Variants in DHX9 observed in about 807,000 individuals in gnomAD.
DHX9 encodes the protein DExH-box helicase 9.
In DHX9, 27 loss-of-function variants were observed where a neutral mutation model predicts 148.7. The ratio of observed to expected loss-of-function variants is 0.18; its 90% confidence interval spans 0.13 to 0.25. DHX9 has a LOEUF of 0.25. Ranked by LOEUF, DHX9 falls within the 10% of genes least tolerant of loss-of-function variation. DHX9 has a pLI of 1.00. For synonymous variants in DHX9, 529 were observed against 516.6 expected (o/e 1.02, Z -0.33); for missense variants, 796 against 1,559.6 (o/e 0.51, Z 8.25).
chr1:182,859,469 CAA>C (rs1247053354), intron 11 of DHX9, among the ~76,000 whole-genome samples: 1 of 151,990 alleles, frequency 6.6e-6, no homozygotes, highest in Non-Finnish European at 1.5e-5. Context: ...TGGACAACAT[CAA>C]AAGATACATT....
intron 12 of DHX9, among the ~76,000 whole-genome samples, chr1:182,862,704 T>C (rs1374970140): frequency 6.6e-6 from 1 of 152,202 alleles, no homozygotes; most frequent in East Asian, 1.9e-4. Flanking sequence ...AAAGCAAAGT[T>C]GGGACCTTTT....
At chr1:182,882,874 A>C (rs1292231994) in intron 24 of DHX9, among the ~76,000 whole-genome samples, 1 of 152,060 alleles carries the variant, frequency 6.6e-6, no homozygotes, top group Non-Finnish European at 1.5e-5. Flanking sequence ...AAAAAAAAAA[A>C]AAAAAAGTAA....
intron 15 of DHX9, 129 bp from the exon 16 acceptor site, chr1:182,874,725 T>C (rs1359862635): frequency 4.2e-6 from 3 of 707,248 alleles, no homozygotes; most frequent in African/African-American, 3.6e-5. Context: ...CTGGAACTTT[T>C]TGGCATTTGT....
At chr1:182,883,016 C>A in intron 24 of DHX9, 123 bp from the exon 25 acceptor site, 95 of 561,194 alleles carry the variant, frequency 1.7e-4, no homozygotes, top group Middle Eastern at 3.9e-4. Flanking sequence ...GAAAGTTTTA[C>A]AGACAGGTTA....
chr1:182,883,455 G>A (rs1649177191), intron 25 of DHX9, 65 bp from the exon 26 acceptor site: 3 of 1,569,138 alleles, frequency 1.9e-6, no homozygotes, highest in South Asian at 1.1e-5. Context: ...TCAAAGCACA[G>A]TATATAGCGG....
In DHX9 at chr1:182,881,662, A is replaced by T; in HGVS notation, c.2914+15A>T. On this transcript the variant is annotated intron_variant, in intron 24 of 27. Transcript: ENST00000367549. ...GTTTCCAGAAGGTAAGACTTCTTCCATTCTTAAGATATCTTTAAAGTGACA... is the reference window on the plus strand; with the variant it reads ...GTTTCCAGAAGGTAAGACTTCTTCCTTTCTTAAGATATCTTTAAAGTGACA... The T allele has an allele frequency of 3.8e-6, 6 of 1,577,760 alleles. No individual in the cohort carries two copies. Among genetic ancestry groups the T allele is most frequent in the Non-Finnish European group, 4.3e-6 (5 of 1,168,400 alleles).
Position 182,887,300 on chromosome 1 carries a change from A to G in DHX9, c.3679A>G (p.Arg1227Gly). ...TAGAGGAGTTTCCCGAGGTGGCTTT[A>G]GAGGCAACTCTGGAGGAGACTACAG... ...GYRGVSRGGF[R>G]GNSGGDYRGP... is the part of the protein sequence containing the mutation. The change falls in exon 28 of 28, where the codon AGA becomes GGA. Residue 1227 changes from arginine to glycine, a missense_variant. Arg to Gly is a moderately radical substitution (Grantham distance 125). Transcript: ENST00000367549. 1 of 1,614,140 alleles carries G rather than the reference A, an allele frequency of 6.2e-7. No individual in the cohort carries two copies. The highest frequency in any genetic ancestry group is 8.5e-7 in the Non-Finnish European group (1 of 1,180,028).
chr1:182,859,963 T>A (rs1420393252), intron 11 of DHX9, 30 bp from the exon 12 acceptor site: 1 of 1,587,316 alleles, frequency 6.3e-7, no homozygotes, highest in East Asian at 2.2e-5. Context: ...TTGGTAGACA[T>A]TTGACTGAAG....
At chr1:182,850,015 G>C (rs552661367) in intron 3 of DHX9, among the ~76,000 whole-genome samples, 3 of 132,118 alleles carry the variant, frequency 2.3e-5, no homozygotes, top group Non-Finnish European at 4.6e-5. Context: ...TTTCATCAGC[G>C]TTCAGCTTTA....
Position 182,842,455 on chromosome 1 carries a change from G to C in DHX9, c.-22-90G>C, listed in dbSNP as rs1434482219. The C allele has an allele frequency of 7.3e-6, 5 of 683,544 alleles. No homozygotes were observed. The African/African-American group carries it at 9.1e-5, about 12-fold the overall frequency. The allele number at this position is 683,544 out of a possible 1,614,324, so 42.3% of individuals were successfully genotyped here. A position where few individuals can be genotyped will look rare whatever the true frequency, so the allele number is the denominator to read the frequency against. ...ATAGCAACATGATAGAATATCCTAT[G>C]TTTAACCCAGATTCAGTAATCTAGA... On this transcript the variant is annotated intron_variant, in intron 1 of 27. Transcript: ENST00000367549.
intron 27 of DHX9, among the ~76,000 whole-genome samples, chr1:182,886,764 C>T (rs1424115085): frequency 6.6e-6 from 1 of 152,196 alleles, no homozygotes; most frequent in Admixed American, 6.5e-5. Flanking sequence ...TTATTGGCAG[C>T]TCCAGGAACC....
At chr1:182,879,193 T>G in intron 20 of DHX9, 57 bp from the exon 21 acceptor site, 1 of 1,348,190 alleles carries the variant, frequency 7.4e-7, no homozygotes. Context: ...GCAAAAAGTT[T>G]ATTAACATCT....
intron 5 of DHX9, 56 bp from the exon 6 acceptor site, chr1:182,853,974 C>T: frequency 3.2e-6 from 5 of 1,541,872 alleles, no homozygotes; most frequent in Non-Finnish European, 4.4e-6. Flanking sequence ...ATTTCTGTGC[C>T]TTGTTTGTAT....
intron 5 of DHX9, among the ~76,000 whole-genome samples, 156 bp from the exon 6 acceptor site, chr1:182,853,874 A>C (rs1334855387): frequency 2.0e-5 from 3 of 152,222 alleles, no homozygotes. Flanking sequence ...ATGCAATAAA[A>C]AGTAATTCTG....
At chr1:182,872,650 G>C (rs1323004642) in intron 15 of DHX9, among the ~76,000 whole-genome samples, 157 bp downstream of exon 15, 4 of 152,164 alleles carry the variant, frequency 2.6e-5, no homozygotes, top group Admixed American at 1.3e-4. Flanking sequence ...TTTCTCTTCT[G>C]TTATTTTATA....
intron 17 of DHX9, 65 bp from the exon 18 acceptor site, chr1:182,876,382 T>G: frequency 6.4e-7 from 1 of 1,565,612 alleles, no homozygotes. Flanking sequence ...AAAATATGTA[T>G]AATGGAGAGC....
At chr1:182,870,726 A>G (rs1199718661) in intron 14 of DHX9, among the ~76,000 whole-genome samples, 2 of 152,248 alleles carry the variant, frequency 1.3e-5, no homozygotes, top group Non-Finnish European at 2.9e-5. Context: ...AAAAATATAA[A>G]TAAGCATCGT....
chr1:182,842,932 G>A (rs1667957987), intron 2 of DHX9, among the ~76,000 whole-genome samples: 1 of 152,114 alleles, frequency 6.6e-6, no homozygotes, highest in Non-Finnish European at 1.5e-5. Context: ...GGGAAAAGTT[G>A]GATCAACTGT....
intron 14 of DHX9, among the ~76,000 whole-genome samples, chr1:182,870,080 AAAAC>A (rs1460680191): frequency 2.0e-5 from 3 of 152,254 alleles, no homozygotes; most frequent in African/African-American, 4.8e-5. Flanking sequence ...AATAACTAGA[AAAAC>A]AAAAAAAGAT....
Sources: allele counts gnomAD v4.1 joint callset (sites outside exome capture counted in the v4.1 genomes callset), GRCh38; gene constraint gnomAD v4.1.1; transcripts MANE v1.5; gene names NCBI Gene and HGNC (gene_info 2026-07-23, HGNC 2026-07-21).